The following NRXN3 variants were observed in gnomAD, a reference collection of about 807,000 sequenced individuals.
NRXN3 encodes neurexin 3, also known as neurexin III.
A neutral mutation model predicts 137.6 loss-of-function variants in NRXN3; 32 were observed. The observed-to-expected ratio is 0.23, with a 90% CI of 0.18 to 0.31. The LOEUF is 0.31. Among genes scored for constraint, NRXN3 ranks in the 10% least tolerant of loss-of-function variants. NRXN3 has a pLI of 1.00. For missense variants in NRXN3, 1,574 were observed against 2,062.5 expected, an observed-to-expected ratio of 0.76 and a Z score of 4.59; for synonymous variants, 798 against 784.5, an observed-to-expected ratio of 1.02 and a Z score of -0.29.
At chr14:78,938,600 TG>T (rs2099346539) in intron 10 of NRXN3, among the ~76,000 whole-genome samples, 1 of 151,986 alleles carries the variant, frequency 6.6e-6, no homozygotes, top group Non-Finnish European at 1.5e-5. Context: ...TCCCTCTAGG[TG>T]GTGTTTTCAC....
intron 4 of NRXN3, among the ~76,000 whole-genome samples, chr14:78,570,773 C>A (rs2096882044): frequency 6.6e-6 from 1 of 152,194 alleles, no homozygotes; most frequent in Non-Finnish European, 1.5e-5. Flanking sequence ...TAAGTGATTG[C>A]ATTGGTGACT....
At chr14:79,449,671 G>T (rs907485085) in intron 15 of NRXN3, among the ~76,000 whole-genome samples, 2 of 152,160 alleles carry the variant, frequency 1.3e-5, no homozygotes, top group Non-Finnish European at 2.9e-5. Context: ...TGTATGCAGT[G>T]TAAATACTGA....
In NRXN3 at chr14:79,768,432, G is replaced by C. The variant is rs571479775; in HGVS notation, c.4015-36680G>C. ...AGCACGCAGCTGGAGATCTGAGAACGGGCAGACTGCCTCCTCAAGTGGGTC... is the reference window on the plus strand; with the variant it reads ...AGCACGCAGCTGGAGATCTGAGAACCGGCAGACTGCCTCCTCAAGTGGGTC... On this transcript the variant is annotated intron_variant, in intron 19 of 20. Transcript: ENST00000335750. Among the ~76,000 whole-genome samples the C allele has an allele frequency of 6.0e-4, 91 of 152,260 alleles. No homozygotes were observed. The East Asian group carries it at 0.016, about 27-fold the overall frequency.
chr14:78,318,130 T>A (rs2078924129), intron 4 of NRXN3, among the ~76,000 whole-genome samples: 1 of 152,212 alleles, frequency 6.6e-6, no homozygotes. Flanking sequence ...GAAATCATCC[T>A]ATTTCCATGA....
chr14:78,279,701 G>T (rs2074130891), intron 3 of NRXN3: 1 of 152,118 alleles, frequency 6.6e-6, no homozygotes, highest in Non-Finnish European at 1.5e-5. Flanking sequence ...GAACATGCTG[G>T]GACCTGTAAG....
chr14:78,957,168 G>C, intron 10 of NRXN3, 74 bp from the exon 11 acceptor site: 2 of 1,508,078 alleles, frequency 1.3e-6, no homozygotes, highest in Non-Finnish European at 1.8e-6. Context: ...GCACCAGTGT[G>C]GTTTTGACAA....
intron 15 of NRXN3, among the ~76,000 whole-genome samples, chr14:79,135,329 C>T (rs1484865212): frequency 6.6e-6 from 1 of 152,170 alleles, no homozygotes; most frequent in Non-Finnish European, 1.5e-5. Context: ...GTTTCTCTCC[C>T]TCTCTCTTTC....
chr14:78,794,941 A>C (rs967092947), intron 8 of NRXN3, among the ~76,000 whole-genome samples: 5 of 141,104 alleles, frequency 3.5e-5, no homozygotes, highest in African/African-American at 1.4e-4. Context: ...AACAAACAAA[A>C]AAAAAAGTAG....
In NRXN3 at chr14:79,184,759, TTTTGTTTTGA is replaced by T. The variant is rs1263840900; in HGVS notation, c.3262+196627_3262+196636del. Among the ~76,000 whole-genome samples the T allele has an allele frequency of 3.6e-3, 547 of 152,316 alleles. 4 individuals carry two copies. The highest frequency in any genetic ancestry group is 0.012 in the African/African-American group (509 of 41,568). On this transcript the variant is annotated intron_variant, in intron 15 of 20. Transcript: ENST00000335750. ...TCTTTAAATACCAGAATATGTTTTG[TTTTGTTTTGA>T]TTTGTTTTCCTATCAGGGATGTGTC...
chr14:79,607,025 C>T (rs1046262160), intron 16 of NRXN3, among the ~76,000 whole-genome samples: 6 of 152,186 alleles, frequency 3.9e-5, no homozygotes, highest in Non-Finnish European at 7.3e-5. Context: ...GTAAGTTTCA[C>T]GTGAATGTTT....
At chr14:79,258,498 C>A (rs1209695615) in intron 15 of NRXN3, among the ~76,000 whole-genome samples, 1 of 152,188 alleles carries the variant, frequency 6.6e-6, no homozygotes, top group Non-Finnish European at 1.5e-5. Context: ...AGCCACCACA[C>A]CTGGCCCATT....
intron 16 of NRXN3, among the ~76,000 whole-genome samples, chr14:79,546,080 C>T (rs1389809366): frequency 1.3e-5 from 2 of 152,184 alleles, no homozygotes; most frequent in South Asian, 2.1e-4. Context: ...GTGTGACTTG[C>T]TCCTCCTTGC....
intron 15 of NRXN3, among the ~76,000 whole-genome samples, chr14:79,306,790 A>T (rs1237140814): frequency 6.6e-6 from 1 of 152,082 alleles, no homozygotes; most frequent in Non-Finnish European, 1.5e-5. Context: ...GACTCTTTTC[A>T]ACACCTTCCA....
intron 10 of NRXN3, among the ~76,000 whole-genome samples, chr14:78,897,402 T>G (rs1210813910): frequency 6.6e-6 from 1 of 151,136 alleles, no homozygotes; most frequent in African/African-American, 2.4e-5. Flanking sequence ...AATCAGAGAG[T>G]GGTTCTCTGG....
chr14:78,609,645 A>G (rs2097282921), intron 4 of NRXN3, among the ~76,000 whole-genome samples: 1 of 152,198 alleles, frequency 6.6e-6, no homozygotes, highest in South Asian at 2.1e-4. Flanking sequence ...TGGGGTAATA[A>G]TAATATATGA....
chr14:78,949,088 CT>C (rs762829325), intron 10 of NRXN3, among the ~76,000 whole-genome samples: 142 of 152,240 alleles, frequency 9.3e-4, no homozygotes, highest in Admixed American at 1.6e-3. Flanking sequence ...TCCCCTATCA[CT>C]TCCCCAAAAA....
chr14:79,349,539 A>T (rs1474253693), intron 15 of NRXN3, among the ~76,000 whole-genome samples: 1 of 127,254 alleles, frequency 7.9e-6, no homozygotes, highest in Non-Finnish European at 1.6e-5. Flanking sequence ...CCCCGGGAAA[A>T]AAAAATACAC....
intron 15 of NRXN3, chr14:79,200,899 G>A (rs758300012): frequency 1.0e-4 from 14 of 134,994 alleles, no homozygotes; most frequent in Non-Finnish European, 1.5e-4. Flanking sequence ...AGAACATATG[G>A]CAACTATCTC....
Position 79,861,672 on chromosome 14 carries a change from C to T in NRXN3, c.4424C>T (p.Thr1475Met), listed in dbSNP as rs531408967. 11 of 1,614,154 alleles carry T rather than the reference C, an allele frequency of 6.8e-6. No individual in the cohort carries two copies. The highest frequency in any genetic ancestry group is 2.2e-5 in the South Asian group (2 of 91,082). Reference sequence around the variant, plus strand: ...CGTAATGTGCCCACAGCAAACCCCACGGAGCCGGGAATCAGACGGGTTCCG... The same window carrying T: ...CGTAATGTGCCCACAGCAAACCCCATGGAGCCGGGAATCAGACGGGTTCCG... ...MFRNVPTANPTEPGIRRVPGA... is the reference protein window; with the variant it reads ...MFRNVPTANPMEPGIRRVPGA... Residue 1475 changes from threonine (T) to methionine (M), a missense_variant, in exon 21 of 21, where the codon ACG becomes ATG. Coordinates refer to ENST00000335750, the MANE Select transcript of NRXN3 (RefSeq NM_001330195.2). The surrounding 1 kb of genome is among the most constrained non-coding windows in gnomAD (Gnocchi z 5.4).
Sources: allele counts gnomAD v4.1 joint callset (sites outside exome capture counted in the v4.1 genomes callset), GRCh38; gene constraint gnomAD v4.1.1; non-coding constraint Gnocchi (gnomAD v3.1); transcripts MANE v1.5; gene names NCBI Gene and HGNC (gene_info 2026-07-23, HGNC 2026-07-21).